OGT: variants seen among roughly 807,000 people sequenced by gnomAD.
OGT encodes UDP-N-acetylglucosamine--peptide N-acetylglucosaminyltransferase 110 kDa subunit.
A neutral mutation model predicts 75.8 loss-of-function variants in OGT; 3 were observed. That is an observed-to-expected ratio of 0.04 (90% CI 0.02 to 0.10). OGT has a LOEUF of 0.10. OGT is among the 10% of genes least tolerant of loss of function. The probability of loss-of-function intolerance (pLI) is 1.00; values close to 1 mark genes in which losing one functional copy is unlikely to be tolerated. For missense variants in OGT, 260 were observed against 824.4 expected (o/e 0.32, Z 8.38); for synonymous variants, 257 against 289.7 (o/e 0.89, Z 1.15).
At chrX:71,566,890 A>G (rs964385965) in intron 19 of OGT, among the ~76,000 whole-genome samples, 3 of 112,813 alleles carry the variant, frequency 2.7e-5, no homozygotes, top group Admixed American at 9.4e-5. Flanking sequence ...TTGAACTTAC[A>G]TGGTACATAG....
intron 5 of OGT, 46 bp downstream of exon 5, chrX:71,548,069 T>C (rs1245613529): frequency 8.7e-7 from 1 of 1,152,496 alleles, no homozygotes; most frequent in Non-Finnish European, 1.2e-6. Context: ...TGCTTACGCA[T>C]GTAGTGTTTT....
intron 4 of OGT, chrX:71,546,776 G>A: frequency 1.3e-6 from 1 of 754,085 alleles, no homozygotes; most frequent in Non-Finnish European, 1.6e-6. Context: ...CTGATGATGC[G>A]CTGTGACCCT....
At chrX:71,538,269 T>A (rs1446738787) in intron 3 of OGT, among the ~76,000 whole-genome samples, 197 bp downstream of exon 3, 1 of 112,645 alleles carries the variant, frequency 8.9e-6, no homozygotes, top group East Asian at 2.7e-4. Context: ...GCAAGTTATA[T>A]TAAAAAGCAT....
chrX:71,570,928 G>A (rs1447715661), intron 21 of OGT, among the ~76,000 whole-genome samples: 1 of 108,592 alleles, frequency 9.2e-6, no homozygotes, highest in Non-Finnish European at 1.9e-5. Flanking sequence ...CCAGTAGCTG[G>A]GACTACAGGC....
At chrX:71,548,092 A>T in intron 5 of OGT, 69 bp downstream of exon 5, 1 of 1,028,253 alleles carries the variant, frequency 9.7e-7, no homozygotes, top group Non-Finnish European at 1.4e-6. Flanking sequence ...CTAGAACTAA[A>T]TAATAGGTCT....
At position 71,567,956 on chromosome X, in the gene OGT, G is replaced by A. The variant is rs772402240; in HGVS notation, c.2843-37G>A. The A allele has an allele frequency of 6.0e-5, 71 of 1,189,453 alleles. No homozygotes were observed. The Middle Eastern group carries it at 1.4e-3, about 24-fold the overall frequency. ...TAACATTAACTCTGTGCTGTTTTACGTTCTCAGATGTGCAGTTGTTATCTT... is the reference window on the plus strand; with the variant it reads ...TAACATTAACTCTGTGCTGTTTTACATTCTCAGATGTGCAGTTGTTATCTT... On this transcript the variant is annotated intron_variant, in intron 20 of 21. Coordinates refer to ENST00000373719, the MANE Select transcript of OGT (RefSeq NM_181672.3).
chrX:71,573,510 TAG>T (rs2040471774), intron 21 of OGT, 108 bp from the exon 22 acceptor site: 4 of 571,477 alleles, frequency 7.0e-6, no homozygotes, highest in African/African-American at 2.3e-5. Flanking sequence ...TGAGATAGCG[TAG>T]AGTTTGGTCA....
intron 4 of OGT, 42 bp from the exon 5 acceptor site, chrX:71,547,865 A>C (rs1394017368): frequency 2.2e-5 from 22 of 989,678 alleles, no homozygotes; most frequent in Admixed American, 3.1e-5. Flanking sequence ...CTTTCCCTTT[A>C]CCTCCTTTCC....
At chrX:71,537,040 C>T in intron 2 of OGT, 1 of 171,084 alleles carries the variant, frequency 5.8e-6, no homozygotes, top group Non-Finnish European at 1.1e-5. Context: ...GCCATCTCGG[C>T]TCACTGCAAC....
chrX:71,564,564 G>A (rs774783166), intron 18 of OGT, 37 bp from the exon 19 acceptor site: 1 of 1,138,328 alleles, frequency 8.8e-7, no homozygotes, highest in East Asian at 3.0e-5. Flanking sequence ...GACTCCTTTT[G>A]CCTTTAAATA....
intron 5 of OGT, among the ~76,000 whole-genome samples, chrX:71,552,913 T>C (rs1210188077): frequency 1.8e-5 from 2 of 111,269 alleles, no homozygotes; most frequent in Non-Finnish European, 3.8e-5. Flanking sequence ...ATATGAATTG[T>C]TGAAAATGGA....
intron 3 of OGT, among the ~76,000 whole-genome samples, chrX:71,543,752 GTGTGTGTGTGTGTGTATATATA>G (rs1173325521): frequency 0.014 from 909 of 64,057 alleles, 16 homozygotes; most frequent in African/African-American, 0.091. Context: ...GTGTGTGTGT[GTGTGTGTGTGTGTGTATATATA>G]TATATATATA....
intron 8 of OGT, chrX:71,556,443 G>C: frequency 2.8e-6 from 1 of 356,800 alleles, no homozygotes; most frequent in Non-Finnish European, 4.8e-6. Context: ...AGATTTCAGT[G>C]GTGTTGGAGT....
chrX:71,540,098 A>G (rs1401735399), intron 3 of OGT, among the ~76,000 whole-genome samples: 1 of 112,610 alleles, frequency 8.9e-6, no homozygotes, highest in Admixed American at 9.4e-5. Context: ...ATGTGTTGTC[A>G]TCTGGTTCTA....
rs397895363 is a variant in OGT at position 71,543,766 on chromosome X, GTATATATATATATA to G, written c.463-787_463-774del. Among the ~76,000 whole-genome samples, 493 of 78,286 alleles carry G rather than the reference GTATATATATATATA, an allele frequency of 6.3e-3. 1 individual carries two copies. The highest frequency in any genetic ancestry group is 0.025 in the African/African-American group (478 of 19,257). 68.0% of individuals were successfully genotyped at this position (78,286 alleles called of 115,157 possible). ...TGTGTGTGTGTGTGTGTGTGTGTGTGTATATATATATATATATATATATATATTTCCTTTTTTTT... is the reference window on the plus strand; with the variant it reads ...TGTGTGTGTGTGTGTGTGTGTGTGTGTATATATATATATTTCCTTTTTTTT... On this transcript the variant is annotated intron_variant, in intron 3 of 21. Coordinates refer to ENST00000373719, the MANE Select transcript of OGT (RefSeq NM_181672.3).
In OGT at chrX:71,563,994, A is replaced by G. The variant is rs1034050011; in HGVS notation, c.2436+495A>G. Among the ~76,000 whole-genome samples, 6 of 112,108 alleles carry G rather than the reference A, an allele frequency of 5.4e-5. No homozygotes were observed. The East Asian group carries it at 1.1e-3, about 21-fold the overall frequency. On this transcript the variant is annotated intron_variant, in intron 18 of 21. Transcript: ENST00000373719. ...ATAATTCCCTGTGTTTGTATCCTCT[A>G]CTGAATTGAATTACTGAGCCCATGT...
chrX:71,539,690 G>A (rs1307896126), intron 3 of OGT, among the ~76,000 whole-genome samples: 1 of 112,727 alleles, frequency 8.9e-6, no homozygotes, highest in African/African-American at 3.2e-5. Flanking sequence ...AGCCTGGTAT[G>A]TACTGCCACT....
rs1043170267 is a variant in OGT at position 71,547,529 on chromosome X, C to T, written c.532-378C>T. ...GGTAGGAAAACTCGGCCTCAAGTTG[C>T]GCCCTCTAGGTAGCACTTGAAAACA... On this transcript the variant is annotated intron_variant, in intron 4 of 21. Transcript: ENST00000373719. The T allele has an allele frequency of 1.7e-5, 13 of 781,259 alleles. No homozygotes were observed. In the African/African-American group the frequency reaches 3.0e-4, roughly 18 times the overall value. The allele number at this position is 781,259 out of a possible 1,213,427, so 64.4% of individuals were successfully genotyped here.
At position 71,559,353 on chromosome X, in the gene OGT, C is replaced by T. The variant is rs188643514; in HGVS notation, c.1689C>T (p.Ser563=). 1.1e-4 allele frequency: 135 copies of T among 1,208,383 alleles called. No homozygotes were observed. The highest frequency in any genetic ancestry group is 1.1e-3 in the East Asian group (36 of 33,761). ...DGRLRVGYVS[S]DFGNHPTSHL... The stretch of plus-strand genomic sequence containing the variant: ...GGCTGCGTGTAGGATATGTGAGTTC[C>T]GACTTTGGGAATCATCCTACTTCTC... The change falls in exon 13 of 22, where the codon TCC becomes TCT. Residue 563 remains serine, a synonymous_variant. Coordinates refer to ENST00000373719, the MANE Select transcript of OGT (RefSeq NM_181672.3).
Sources: allele counts gnomAD v4.1 joint callset (sites outside exome capture counted in the v4.1 genomes callset), GRCh38; gene constraint gnomAD v4.1.1; transcripts MANE v1.5; gene names NCBI Gene and HGNC (gene_info 2026-07-23, HGNC 2026-07-21).